PPP2R2B: variants seen among roughly 807,000 people sequenced by gnomAD.
PPP2R2B encodes the protein protein phosphatase 2 regulatory subunit Bbeta, also known as serine/threonine-protein phosphatase 2A 55 kDa regulatory subunit B beta isoform.
A neutral mutation model predicts 46.0 loss-of-function variants in PPP2R2B; 5 were observed. The ratio of observed to expected loss-of-function variants is 0.11; its 90% confidence interval spans 0.06 to 0.23. The LOEUF is 0.23. PPP2R2B is among the 10% of genes least tolerant of loss of function. PPP2R2B has a pLI of 1.00. For synonymous variants in PPP2R2B, 215 were observed against 206.7 expected, an observed-to-expected ratio of 1.04 and a Z score of -0.34; for missense variants, 367 against 575.0, an observed-to-expected ratio of 0.64 and a Z score of 3.70.
chr5:146,942,372 A>G (rs1764348918), intron 1 of PPP2R2B, among the ~76,000 whole-genome samples: 2 of 152,188 alleles, frequency 1.3e-5, no homozygotes, highest in South Asian at 4.1e-4. Context: ...TATTTCTCAA[A>G]ACAAATGTTC....
In PPP2R2B at chr5:147,027,588, G is replaced by A. The variant is rs554435564; in HGVS notation, c.79+28077C>T. ...TCAGAGGTTGCAGTGAGCCAACATCGCGCCACTGCACCCCTCCAGCCTGGC... is the reference window on the plus strand; with the variant it reads ...TCAGAGGTTGCAGTGAGCCAACATCACGCCACTGCACCCCTCCAGCCTGGC... On this transcript the variant is annotated intron_variant, in intron 1 of 8. Transcript: ENST00000336640. Among the ~76,000 whole-genome samples the A allele has an allele frequency of 5.5e-5, 8 of 146,656 alleles. No homozygotes were observed. The East Asian group carries it at 1.2e-3, about 22-fold the overall frequency.
chr5:147,007,108 A>G (rs1261671257), intron 1 of PPP2R2B, among the ~76,000 whole-genome samples: 1 of 152,156 alleles, frequency 6.6e-6, no homozygotes, highest in African/African-American at 2.4e-5. Flanking sequence ...AGTGAGCTCA[A>G]CTAACAACTA....
Position 146,584,280 on chromosome 5 carries a change from T to C in PPP2R2B, c.*5667A>G, listed in dbSNP as rs1770031554. On this transcript the variant is annotated 3_prime_UTR_variant, in exon 10 of 10. Coordinates refer to ENST00000394411, the MANE Select transcript of PPP2R2B (RefSeq NM_181675.4). The stretch of plus-strand genomic sequence containing the variant: ...ACCAATGGGGCATGGAATATCTAAA[T>C]TGGGGGACAGTTAATCAGTCATAAT... The C allele has an allele frequency of 6.6e-6, 1 of 152,176 alleles. No homozygotes were observed. Among genetic ancestry groups the C allele is most frequent in the Non-Finnish European group, 1.5e-5 (1 of 68,046 alleles). 9.4% of individuals were successfully genotyped at this position (152,176 alleles called of 1,614,324 possible).
chr5:146,618,374 C>T (rs1003291265), intron 7 of PPP2R2B, among the ~76,000 whole-genome samples: 2 of 152,222 alleles, frequency 1.3e-5, no homozygotes, highest in African/African-American at 4.8e-5. Context: ...GAGCACAGCC[C>T]TGCTGACACC....
chr5:146,672,783 ACT>A (rs1777453130), intron 5 of PPP2R2B, among the ~76,000 whole-genome samples: 1 of 152,014 alleles, frequency 6.6e-6, no homozygotes, highest in Admixed American at 6.6e-5. Context: ...TTCTATAAAG[ACT>A]CTGACTCACA....
intron 7 of PPP2R2B, among the ~76,000 whole-genome samples, chr5:146,623,123 T>C (rs1346684232): frequency 6.6e-6 from 1 of 152,186 alleles, no homozygotes; most frequent in Non-Finnish European, 1.5e-5. Flanking sequence ...CAACAGTACG[T>C]TGGATTAACA....
At chr5:147,024,305 C>T (rs1258447529) in intron 1 of PPP2R2B, among the ~76,000 whole-genome samples, 1 of 152,062 alleles carries the variant, frequency 6.6e-6, no homozygotes, top group African/African-American at 2.4e-5. Flanking sequence ...CCCTATAAAA[C>T]AGCTTCAAAA....
intron 4 of PPP2R2B, among the ~76,000 whole-genome samples, chr5:146,692,024 C>G (rs542218789): frequency 6.6e-6 from 1 of 152,172 alleles, no homozygotes; most frequent in Admixed American, 6.5e-5. Flanking sequence ...CTTTTACTAC[C>G]TGACAATTGG....
chr5:146,868,276 A>G (rs768497563), intron 2 of PPP2R2B, among the ~76,000 whole-genome samples: 1 of 152,250 alleles, frequency 6.6e-6, no homozygotes, highest in Admixed American at 6.5e-5. Flanking sequence ...TTTGGCAAAG[A>G]GAAGTTTCCC....
intron 2 of PPP2R2B, among the ~76,000 whole-genome samples, chr5:146,744,073 G>A (rs988653618): frequency 3.3e-5 from 5 of 152,092 alleles, no homozygotes; most frequent in Admixed American, 2.6e-4. Flanking sequence ...TTAACTATAC[G>A]TAGTATACAT....
chr5:147,019,991 C>T (rs1007202914), intron 1 of PPP2R2B, among the ~76,000 whole-genome samples: 2 of 152,132 alleles, frequency 1.3e-5, no homozygotes, highest in African/African-American at 2.4e-5. Flanking sequence ...AGAAGGCAGT[C>T]TTTGCTCTGG....
intron 2 of PPP2R2B, among the ~76,000 whole-genome samples, chr5:146,774,462 A>G (rs1381817591): frequency 1.3e-5 from 2 of 152,174 alleles, no homozygotes; most frequent in Non-Finnish European, 2.9e-5. Context: ...GACAAAAATA[A>G]AGTGGGGGGT....
chr5:146,902,170 A>G (rs890876739), intron 1 of PPP2R2B, among the ~76,000 whole-genome samples: 2 of 152,034 alleles, frequency 1.3e-5, no homozygotes, highest in Non-Finnish European at 2.9e-5. Flanking sequence ...CCCCAAAGTC[A>G]CCATTTCTTT....
intron 1 of PPP2R2B, among the ~76,000 whole-genome samples, chr5:147,039,537 C>T (rs1431514222): frequency 6.6e-6 from 1 of 152,126 alleles, no homozygotes; most frequent in East Asian, 1.9e-4. Context: ...GAGAGATCTG[C>T]AACTGGGGCC....
At chr5:146,979,037 T>C (rs1333281290) in intron 1 of PPP2R2B, among the ~76,000 whole-genome samples, 2 of 152,206 alleles carry the variant, frequency 1.3e-5, no homozygotes, top group African/African-American at 4.8e-5. Context: ...AAAGCTGATG[T>C]ATTTAAGAAT....
upstream of PPP2R2B, among the ~76,000 whole-genome samples, chr5:147,059,685 G>T (rs570972448): frequency 6.6e-6 from 1 of 152,296 alleles, no homozygotes; most frequent in South Asian, 2.1e-4. Context: ...GATGATTTCC[G>T]CATGTCAGGT....
chr5:146,693,467 TG>T (rs1251990762), intron 4 of PPP2R2B, among the ~76,000 whole-genome samples: 1 of 151,832 alleles, frequency 6.6e-6, no homozygotes, highest in Non-Finnish European at 1.5e-5. Context: ...TGCCCACCTT[TG>T]CCTCCCAAAG....
chr5:146,951,926 G>C (rs1268314424), intron 1 of PPP2R2B, among the ~76,000 whole-genome samples: 1 of 150,520 alleles, frequency 6.6e-6, no homozygotes, highest in Non-Finnish European at 1.5e-5. Context: ...AATCTTTGGA[G>C]AATCGCCACA....
chr5:146,671,173 A>C (rs868330340), intron 5 of PPP2R2B, among the ~76,000 whole-genome samples: 4 of 152,230 alleles, frequency 2.6e-5, no homozygotes, highest in Non-Finnish European at 4.4e-5. Flanking sequence ...CATCAACAGA[A>C]ACACATATCC....
Sources: gnomAD v4.1 joint callset for allele counts (sites outside exome capture counted in the v4.1 genomes callset) on GRCh38, gnomAD v4.1.1 for gene constraint, MANE v1.5 for transcripts, NCBI Gene and HGNC (gene_info 2026-07-23, HGNC 2026-07-21) for gene names.